Variants in OR52I2 observed in about 807,000 individuals in gnomAD.
OR52I2 encodes olfactory receptor 52I2.
For missense variants in OR52I2, 350 were observed against 402.4 expected, an observed-to-expected ratio of 0.87 and a Z score of 1.11; for synonymous variants, 147 against 151.9, an observed-to-expected ratio of 0.97 and a Z score of 0.24.
intron 1 of OR52I2, among the ~76,000 whole-genome samples, chr11:4,586,188 G>A (rs1400148589): frequency 1.3e-5 from 2 of 152,144 alleles, no homozygotes; most frequent in Admixed American, 1.3e-4. Context: ...TATGGAAGCT[G>A]ATTATGTTGT....
chr11:4,583,618 A>G (rs750460513), intron 1 of OR52I2, among the ~76,000 whole-genome samples: 1 of 152,348 alleles, frequency 6.6e-6, no homozygotes, highest in Admixed American at 6.5e-5. Context: ...ATCACTTAAG[A>G]TGTCTCGCCC....
rs527977017 is a variant in OR52I2 at position 4,588,305 on chromosome 11, T to G, written c.*440T>G. ...AACTCTATTTCTTAGTTTTTCATAC[T>G]TCCAAATAGTTATCTACCCTTCGCC... is the stretch of plus-strand genomic sequence containing the variant. On this transcript the variant is annotated 3_prime_UTR_variant, in exon 2 of 2. Transcript: ENST00000641896. 3.8e-4 allele frequency: 64 copies of G among 166,668 alleles called. 1 individual carries two copies. The highest frequency in any genetic ancestry group is 3.1e-3 in the Middle Eastern group (1 of 320). The allele number at this position is 166,668 out of a possible 1,614,324, so 10.3% of individuals were successfully genotyped here. A position where few individuals can be genotyped will look rare whatever the true frequency, so the allele number is the denominator to read the frequency against.
intron 1 of OR52I2, among the ~76,000 whole-genome samples, chr11:4,585,911 T>C (rs1260180976): frequency 6.6e-6 from 1 of 152,194 alleles, no homozygotes; most frequent in Non-Finnish European, 1.5e-5. Context: ...TTTAACATAG[T>C]ACTAGCACAT....
At chr11:4,584,054 G>C in intron 1 of OR52I2, among the ~76,000 whole-genome samples, 1 of 152,282 alleles carries the variant, frequency 6.6e-6, no homozygotes, top group Middle Eastern at 3.4e-3. Flanking sequence ...GTGATGCCCC[G>C]ATGAGAACTT....
chr11:4,587,864 G>A lies in OR52I2; in HGVS notation c.974G>A (p.Ter325=), dbSNP rs139603676. 1.6e-4 allele frequency: 251 copies of A among 1,612,358 alleles called. No homozygotes were observed. In the African/African-American group the frequency reaches 2.8e-3, roughly 18 times the overall value. Residue 325 remains the stop codon, a stop_retained_variant, in exon 2 of 2, where the codon TGA becomes TAA. Transcript: ENST00000641896. Reference sequence around the variant, plus strand: ...TTTGACCATTCCAACCTGGGTTCATGAACACAATATCTGTTCAGATCCAGC... The same window carrying A: ...TTTGACCATTCCAACCTGGGTTCATAAACACAATATCTGTTCAGATCCAGC...
chr11:4,583,824 C>T (rs957248157), intron 1 of OR52I2, among the ~76,000 whole-genome samples: 11 of 152,222 alleles, frequency 7.2e-5, no homozygotes, highest in Non-Finnish European at 1.6e-4. Flanking sequence ...CAACTGAGGA[C>T]TCCTATCACA....
exon 2 of OR52I2, chr11:4,591,830 CT>C (rs1846352620): frequency 6.6e-6 from 1 of 151,962 alleles, no homozygotes; most frequent in African/African-American, 2.4e-5. Flanking sequence ...CTAAGGAAAA[CT>C]TTTTCACAAG....
In OR52I2 at chr11:4,585,294, G is replaced by C. The variant is rs115562213; in HGVS notation, c.-19-1578G>C. Among the ~76,000 whole-genome samples the C allele has an allele frequency of 6.4e-3, 979 of 152,224 alleles. 9 individuals are homozygous for C. The highest frequency in any genetic ancestry group is 0.02 in the African/African-American group (849 of 41,540). On this transcript the variant is annotated intron_variant, in intron 1 of 1. Coordinates refer to ENST00000641896, the Ensembl canonical transcript of OR52I2. Reference sequence around the variant, plus strand: ...GCTGTATTCTGAAGAAAAAAACCTAGGGGTTCCATGAAGAAGATCAGCCAA... The same window carrying C: ...GCTGTATTCTGAAGAAAAAAACCTACGGGTTCCATGAAGAAGATCAGCCAA...
exon 2 of OR52I2, chr11:4,593,164 T>G (rs1846365533): frequency 6.6e-6 from 1 of 152,516 alleles, no homozygotes; most frequent in Admixed American, 6.5e-5. Flanking sequence ...AGGATAAAGC[T>G]TTCTTGTTTG....
chr11:4,585,048 T>C (rs528755505), intron 1 of OR52I2, among the ~76,000 whole-genome samples: 6 of 152,204 alleles, frequency 3.9e-5, no homozygotes, highest in Non-Finnish European at 7.3e-5. Context: ...CTATGATGTA[T>C]GTACTATTAT....
At chr11:4,584,956 G>A (rs559975134) in intron 1 of OR52I2, among the ~76,000 whole-genome samples, 18 of 152,248 alleles carry the variant, frequency 1.2e-4, no homozygotes, top group East Asian at 1.2e-3. Flanking sequence ...TTTTATATTA[G>A]CTACATTTTA....
chr11:4,587,710 C>T (rs978302492), exon 2 of OR52I2: 3 of 1,614,184 alleles, frequency 1.9e-6, no homozygotes, highest in African/African-American at 2.7e-5. Context: ...GGATGTAGTG[C>T]CCTTGCACAC....
chr11:4,588,086 T>C (rs1239455122), exon 2 of OR52I2: 3 of 565,642 alleles, frequency 5.3e-6, no homozygotes, highest in Non-Finnish European at 9.4e-6. Context: ...CAAGTTTTGG[T>C]AGAGAATACA....
exon 2 of OR52I2, chr11:4,587,745 C>T (rs143030589): frequency 1.6e-4 from 258 of 1,614,166 alleles, no homozygotes; most frequent in African/African-American, 2.5e-4. Context: ...CTGACCTGTA[C>T]GTGATCATCC....
intron 1 of OR52I2, among the ~76,000 whole-genome samples, chr11:4,585,457 C>A (rs1846292731): frequency 6.6e-6 from 1 of 152,146 alleles, no homozygotes; most frequent in African/African-American, 2.4e-5. Flanking sequence ...GAGAAAGTAA[C>A]TAAAGGGCTA....
intron 1 of OR52I2, 91 bp from the exon 2 acceptor site, chr11:4,586,781 C>G: frequency 1.3e-6 from 2 of 1,580,952 alleles, no homozygotes; most frequent in South Asian, 2.3e-5. Context: ...TACCACCAAG[C>G]TGAGAATATC....
chr11:4,591,790 T>C (rs1441403574), exon 2 of OR52I2: 1 of 152,226 alleles, frequency 6.6e-6, no homozygotes, highest in Non-Finnish European at 1.5e-5. Context: ...TATGCTTGGC[T>C]TTCTTATTAG....
intron 1 of OR52I2, among the ~76,000 whole-genome samples, chr11:4,582,433 C>CTTTTTTTTTTTTT (rs1564859030): frequency 1.3e-5 from 1 of 74,664 alleles, no homozygotes; most frequent in Non-Finnish European, 2.6e-5. Flanking sequence ...ATTTATTTTT[C>CTTTTTTTTTTTTT]ATTTTTTTTT....
At chr11:4,589,143 A>C (rs1428362137) in exon 2 of OR52I2, 1 of 152,226 alleles carries the variant, frequency 6.6e-6, no homozygotes, top group East Asian at 1.9e-4. Flanking sequence ...CAGAGCACAA[A>C]GATAAACCAG....
Sources: gnomAD v4.1 joint callset for allele counts (sites outside exome capture counted in the v4.1 genomes callset) on GRCh38, gnomAD v4.1.1 for gene constraint, MANE v1.5 for transcripts, NCBI Gene and HGNC (gene_info 2026-07-23, HGNC 2026-07-21) for gene names.